PRKCE: variants seen among roughly 807,000 people sequenced by gnomAD.
PRKCE encodes the protein protein kinase C epsilon, also known as protein kinase C epsilon type.
Under a neutral mutation model 85.4 loss-of-function variants are expected in PRKCE, and 16 were observed. That is an observed-to-expected ratio of 0.19 (90% confidence interval 0.13 to 0.28). PRKCE has a LOEUF of 0.28. Ranked by LOEUF, PRKCE falls within the 10% of genes least tolerant of loss-of-function variation. The pLI is 1.00. For missense variants in PRKCE, 573 were observed against 975.2 expected (o/e 0.59, Z 5.49); for synonymous variants, 388 against 371.5 (o/e 1.04, Z -0.51).
At chr2:45,806,636 A>G (rs747891738) in intron 1 of PRKCE, among the ~76,000 whole-genome samples, 1 of 152,150 alleles carries the variant, frequency 6.6e-6, no homozygotes, top group South Asian at 2.1e-4. Context: ...TTCTGTCTCT[A>G]TGAATGTGAC....
At chr2:46,168,295 C>A (rs1678547074) in intron 14 of PRKCE, among the ~76,000 whole-genome samples, 1 of 152,186 alleles carries the variant, frequency 6.6e-6, no homozygotes, top group Admixed American at 6.5e-5. Flanking sequence ...CCAGACCCAC[C>A]TGCACTTGAA....
chr2:45,826,956 T>C (rs1689988134), intron 1 of PRKCE, among the ~76,000 whole-genome samples: 1 of 152,242 alleles, frequency 6.6e-6, no homozygotes, highest in Non-Finnish European at 1.5e-5. Flanking sequence ...GTTGCCTTCC[T>C]GCGTCCTCAT....
intron 10 of PRKCE, among the ~76,000 whole-genome samples, chr2:46,053,289 G>T (rs1708967760): frequency 6.6e-6 from 1 of 151,856 alleles, no homozygotes; most frequent in South Asian, 2.1e-4. Flanking sequence ...ATGTTATAAG[G>T]GAGCTTACTT....
At chr2:45,803,604 T>C (rs1197447503) in intron 1 of PRKCE, among the ~76,000 whole-genome samples, 1 of 152,220 alleles carries the variant, frequency 6.6e-6, no homozygotes, top group Non-Finnish European at 1.5e-5. Context: ...AATCCCTCTT[T>C]GGTCCCCAGC....
chr2:46,128,936 A>T (rs1674134890), intron 11 of PRKCE, among the ~76,000 whole-genome samples: 1 of 152,158 alleles, frequency 6.6e-6, no homozygotes. Context: ...ATGCCATAGC[A>T]GATGTGGGTC....
At chr2:46,132,330 C>A (rs1028179322) in intron 11 of PRKCE, among the ~76,000 whole-genome samples, 1 of 152,180 alleles carries the variant, frequency 6.6e-6, no homozygotes, top group East Asian at 1.9e-4. Flanking sequence ...CAGCCCAAAC[C>A]TTCACATATC....
At chr2:45,873,672 G>C (rs1048589507) in intron 2 of PRKCE, among the ~76,000 whole-genome samples, 2 of 152,194 alleles carry the variant, frequency 1.3e-5, no homozygotes, top group African/African-American at 4.8e-5. Flanking sequence ...GGGCATCCCA[G>C]CTGCCTCCTC....
chr2:45,801,869 C>G (rs1181203986), intron 1 of PRKCE, among the ~76,000 whole-genome samples: 1 of 152,102 alleles, frequency 6.6e-6, no homozygotes, highest in Non-Finnish European at 1.5e-5. Flanking sequence ...CTGATCCTAG[C>G]CTTGCTGCTG....
intron 2 of PRKCE, among the ~76,000 whole-genome samples, chr2:45,953,743 C>G (rs990043058): frequency 6.6e-6 from 1 of 152,200 alleles, no homozygotes; most frequent in Non-Finnish European, 1.5e-5. Context: ...GGGCTCCCCC[C>G]GAAGAGATTG....
intron 1 of PRKCE, among the ~76,000 whole-genome samples, chr2:45,667,973 G>A (rs923781730): frequency 2.0e-5 from 3 of 152,116 alleles, no homozygotes; most frequent in African/African-American, 4.8e-5. Context: ...TTCTTCATCT[G>A]TAAAACTAAG....
chr2:46,025,170 G>C (rs1707004010), intron 10 of PRKCE, among the ~76,000 whole-genome samples: 1 of 152,152 alleles, frequency 6.6e-6, no homozygotes, highest in South Asian at 2.1e-4. Flanking sequence ...GAACTCCCGG[G>C]GTTGGCAAGA....
At chr2:45,920,369 C>A (rs773616384) in intron 2 of PRKCE, among the ~76,000 whole-genome samples, 1 of 152,080 alleles carries the variant, frequency 6.6e-6, no homozygotes, top group Non-Finnish European at 1.5e-5. Flanking sequence ...GTTCTTCAAA[C>A]GATTAAACGT....
chr2:46,083,868 C>T (rs1669335097), intron 10 of PRKCE, among the ~76,000 whole-genome samples: 1 of 152,178 alleles, frequency 6.6e-6, no homozygotes, highest in Non-Finnish European at 1.5e-5. Flanking sequence ...AATGTATAAT[C>T]CTTATATTGC....
At chr2:46,010,541 G>A in intron 10 of PRKCE, 24 bp downstream of exon 10, 1 of 1,598,214 alleles carries the variant, frequency 6.3e-7, no homozygotes, top group South Asian at 1.1e-5. Context: ...AAGCTGGCTG[G>A]CTGCCATGTT....
At chr2:45,663,538 C>A (rs549406040) in intron 1 of PRKCE, among the ~76,000 whole-genome samples, 1 of 152,262 alleles carries the variant, frequency 6.6e-6, no homozygotes, top group East Asian at 1.9e-4. Flanking sequence ...AATCCCAGCA[C>A]TTTGGGAGGC....
intron 10 of PRKCE, among the ~76,000 whole-genome samples, chr2:46,046,261 C>T (rs1166916109): frequency 6.6e-6 from 1 of 152,202 alleles, no homozygotes; most frequent in Non-Finnish European, 1.5e-5. Context: ...GGCTGAGCAG[C>T]CAGCCTCCTG....
intron 2 of PRKCE, among the ~76,000 whole-genome samples, chr2:45,893,472 A>G (rs1695893651): frequency 1.3e-5 from 2 of 151,668 alleles, no homozygotes; most frequent in African/African-American, 4.8e-5. Flanking sequence ...GGTTCAGGCA[A>G]TTCTCCTGCC....
chr2:45,805,429 G>A (rs1688170289), intron 1 of PRKCE, among the ~76,000 whole-genome samples: 2 of 152,154 alleles, frequency 1.3e-5, no homozygotes, highest in Admixed American at 6.5e-5. Context: ...CACAAAGGAT[G>A]CTGTGATATT....
At chr2:46,061,997 G>C (rs1667187718) in intron 10 of PRKCE, among the ~76,000 whole-genome samples, 1 of 151,722 alleles carries the variant, frequency 6.6e-6, no homozygotes, top group African/African-American at 2.4e-5. Flanking sequence ...CAAGTAGCTG[G>C]GATTACAGGC....
Sources: gnomAD v4.1 joint callset for allele counts (sites outside exome capture counted in the v4.1 genomes callset) on GRCh38, gnomAD v4.1.1 for gene constraint, MANE v1.5 for transcripts, NCBI Gene and HGNC (gene_info 2026-07-23, HGNC 2026-07-21) for gene names.